ODF2L: variants seen among roughly 807,000 people sequenced by gnomAD.
ODF2L encodes the protein protein BCAP.
In ODF2L, 76 loss-of-function variants were observed where a neutral mutation model predicts 86.3. That is an observed-to-expected ratio of 0.88 (90% CI 0.73 to 1.07). The LOEUF (loss-of-function observed/expected upper bound fraction) is 1.07, where lower values mean the gene tolerates loss of function less well. Among genes scored for constraint, ODF2L ranks in the 50% least tolerant of loss-of-function variants. The pLI is 0.00. For synonymous variants in ODF2L, 241 were observed against 231.3 expected (o/e 1.04, Z -0.38); for missense variants, 748 against 717.4 (o/e 1.04, Z -0.49).
chr1:86,388,005 C>A (rs908042572), intron 1 of ODF2L, among the ~76,000 whole-genome samples: 30 of 152,080 alleles, frequency 2.0e-4, no homozygotes, highest in Admixed American at 1.0e-3. Flanking sequence ...CATTCAGAAA[C>A]CTTCCAAAGT....
chr1:86,364,714 T>C (rs1173459100), intron 11 of ODF2L, among the ~76,000 whole-genome samples: 1 of 152,108 alleles, frequency 6.6e-6, no homozygotes, highest in Admixed American at 6.5e-5. Flanking sequence ...GAAACTTGAC[T>C]ATAATGGCTG....
chr1:86,387,395 T>C (rs1489342576), intron 1 of ODF2L, among the ~76,000 whole-genome samples: 1 of 152,190 alleles, frequency 6.6e-6, no homozygotes, highest in Non-Finnish European at 1.5e-5. Context: ...CCAGCAGGAC[T>C]ATAAAACAAA....
At chr1:86,368,939 A>G (rs1404529016) in intron 10 of ODF2L, among the ~76,000 whole-genome samples, 1 of 152,166 alleles carries the variant, frequency 6.6e-6, no homozygotes, top group Non-Finnish European at 1.5e-5. Flanking sequence ...TAAAGTGAAC[A>G]AAGCAAGATA....
intron 11 of ODF2L, among the ~76,000 whole-genome samples, chr1:86,367,555 G>GA (rs560579612): frequency 1.7e-3 from 214 of 122,404 alleles, no homozygotes; most frequent in Middle Eastern, 4.4e-3. Flanking sequence ...TTCAAGAAGG[G>GA]AAAAAAAAAA....
chr1:86,383,089 C>T lies in ODF2L; in HGVS notation c.435+45G>A, dbSNP rs754643374. The T allele has an allele frequency of 2.2e-6, 3 of 1,349,584 alleles. No individual in the cohort carries two copies. In the South Asian group the frequency reaches 3.6e-5, roughly 16 times the overall value. The allele number at this position is 1,349,584 out of a possible 1,614,324, so 83.6% of individuals were successfully genotyped here. On this transcript the variant is annotated intron_variant, in intron 5 of 17. Coordinates refer to ENST00000317336, the Ensembl canonical transcript of ODF2L. ...ATAAAACCAAGCAGCATGCAAATAA[C>T]AATGACAGGAAGAATGGACACAAAG...
At chr1:86,386,350 T>C (rs1660952949) in intron 2 of ODF2L, 1 of 151,052 alleles carries the variant, frequency 6.6e-6, no homozygotes. Context: ...TTTTACAAAT[T>C]CTTAACAGAT....
chr1:86,374,543 G>A (rs1338480526), intron 8 of ODF2L, among the ~76,000 whole-genome samples: 3 of 152,144 alleles, frequency 2.0e-5, no homozygotes, highest in Non-Finnish European at 4.4e-5. Flanking sequence ...TAATTCTTCA[G>A]TGTGCAGAAT....
rs117076461 is a variant in ODF2L, at chr1:86,392,647, T to C, written c.-60+3386A>G. ...AGGGGTAAGAATGAATCAGTGGACT[T>C]TGGAGATTCAGGGTGAAAGGGTGGG... On this transcript the variant is annotated intron_variant, in intron 1 of 17. Coordinates refer to ENST00000317336, the Ensembl canonical transcript of ODF2L. Among the ~76,000 whole-genome samples, 50 of 152,138 alleles carry C rather than the reference T, an allele frequency of 3.3e-4. No homozygotes were observed. In the East Asian group the frequency reaches 9.5e-3, roughly 29 times the overall value.
exon 6 of ODF2L, chr1:86,382,932 T>A: frequency 1.3e-6 from 2 of 1,525,224 alleles, no homozygotes; most frequent in South Asian, 2.3e-5. Flanking sequence ...TTTGCTTACC[T>A]TTTCACTCTG....
chr1:86,381,687 C>T (rs1660601678), intron 7 of ODF2L, among the ~76,000 whole-genome samples: 1 of 151,684 alleles, frequency 6.6e-6, no homozygotes, highest in South Asian at 2.1e-4. Context: ...GACTTTGACT[C>T]CAAAAGAATA....
intron 11 of ODF2L, chr1:86,368,506 G>A (rs1659592661): frequency 1.3e-6 from 1 of 776,778 alleles, no homozygotes; most frequent in Non-Finnish European, 1.8e-6. Flanking sequence ...GCTCCTCAAA[G>A]AGTTACAAAT....
intron 16 of ODF2L, among the ~76,000 whole-genome samples, chr1:86,353,579 T>C (rs1171065425): frequency 5.3e-5 from 8 of 152,196 alleles, no homozygotes; most frequent in Non-Finnish European, 1.2e-4. Context: ...GGAAGCCTAT[T>C]TGTAAGAATG....
At chr1:86,389,905 C>A (rs958191469) in intron 1 of ODF2L, among the ~76,000 whole-genome samples, 1 of 151,908 alleles carries the variant, frequency 6.6e-6, no homozygotes, top group Non-Finnish European at 1.5e-5. Context: ...AAATTACCAA[C>A]AAAAAAAGAA....
At chr1:86,391,290 T>A (rs955610112) in intron 1 of ODF2L, among the ~76,000 whole-genome samples, 20 of 152,074 alleles carry the variant, frequency 1.3e-4, no homozygotes, top group African/African-American at 4.8e-4. Context: ...TTCAATGCAA[T>A]TCGCATAAAA....
chr1:86,347,021 A>G (rs1657841021), downstream of ODF2L: 1 of 152,170 alleles, frequency 6.6e-6, no homozygotes, highest in Non-Finnish European at 1.5e-5. Flanking sequence ...TATTATCACA[A>G]TTATTAACTC....
At chr1:86,369,932 T>A (rs1282991916) in intron 10 of ODF2L, among the ~76,000 whole-genome samples, 1 of 152,194 alleles carries the variant, frequency 6.6e-6, no homozygotes, top group Non-Finnish European at 1.5e-5. Flanking sequence ...CCTGGAATGC[T>A]ATCATTTTAT....
In ODF2L at chr1:86,378,195, C is replaced by T. The variant is rs1174606340; in HGVS notation, c.625-1777G>A. ...GATCTCTAGGGCAGTGGCAAAATAC[C>T]GTCAGTCTCTTTGCTAAAGCATAGC... On this transcript the variant is annotated intron_variant, in intron 7 of 17. Transcript: ENST00000317336. 5.9e-5 allele frequency among the ~76,000 whole-genome samples: 9 copies of T among 152,134 alleles called. No individual in the cohort carries two copies. The South Asian group carries it at 8.3e-4, about 14-fold the overall frequency.
chr1:86,384,957 G>A (rs1331078477), intron 3 of ODF2L, among the ~76,000 whole-genome samples, 156 bp from the exon 4 acceptor site: 1 of 151,618 alleles, frequency 6.6e-6, no homozygotes, highest in Admixed American at 6.6e-5. Flanking sequence ...ATAGTAAATT[G>A]GATCTGTTAT....
At chr1:86,384,577 C>A (rs1660804094) in intron 4 of ODF2L, 99 bp downstream of exon 4, 1 of 780,918 alleles carries the variant, frequency 1.3e-6, no homozygotes. Context: ...GCATTATTTC[C>A]ATTTCAAATA....
Sources: gnomAD v4.1 joint callset for allele counts (sites outside exome capture counted in the v4.1 genomes callset) on GRCh38, gnomAD v4.1.1 for gene constraint, MANE v1.5 for transcripts, NCBI Gene and HGNC (gene_info 2026-07-23, HGNC 2026-07-21) for gene names.